RABGAP1: variants seen among roughly 807,000 people sequenced by gnomAD.
RABGAP1 encodes the protein RAB GTPase activating protein 1, also known as rab GTPase-activating protein 1.
RABGAP1 carries 23 observed loss-of-function variants against 137.6 expected under a neutral mutation model. That is an observed-to-expected ratio of 0.17 (90% confidence interval 0.12 to 0.24). The LOEUF (loss-of-function observed/expected upper bound fraction) is 0.24, where lower values mean the gene tolerates loss of function less well. RABGAP1 is among the 10% of genes least tolerant of loss of function. RABGAP1 has a pLI of 1.00. For missense variants in RABGAP1, 906 were observed against 1,275.8 expected, an observed-to-expected ratio of 0.71 and a Z score of 4.42; for synonymous variants, 451 against 450.7, an observed-to-expected ratio of 1.00 and a Z score of -0.01.
chr9:123,033,116 A>G (rs576530599), intron 13 of RABGAP1, among the ~76,000 whole-genome samples: 8 of 152,318 alleles, frequency 5.3e-5, no homozygotes, highest in African/African-American at 1.7e-4. Context: ...TTCTTGGCCA[A>G]TATTCAGTGA....
chr9:123,000,251 T>C (rs1249951942), intron 10 of RABGAP1, among the ~76,000 whole-genome samples: 1 of 152,184 alleles, frequency 6.6e-6, no homozygotes, highest in African/African-American at 2.4e-5. Flanking sequence ...TTGATTTTTT[T>C]TTTTCTTAAA....
In RABGAP1 at chr9:122,990,140, A is replaced by G. The variant is rs1311817476; in HGVS notation, c.850A>G (p.Thr284Ala). ...TPLSATAAPQ[T>A]PDSDIFTFSV... The stretch of plus-strand genomic sequence containing the variant: ...ACTTTCAGCCACTGCTGCACCCCAG[A>G]CTCCTGACAGTGACATCTTTACCTT... The change falls in exon 6 of 26, where the codon ACT becomes GCT. Residue 284 changes from threonine (T) to alanine (A), a missense_variant. By Grantham distance (58) the Thr-to-Ala change is moderately conservative (BLOSUM62 0). Around this residue, in one of 9 missense-constraint regions of RABGAP1, gnomAD observed 331 missense variants for 358.3 expected, o/e 0.92. Coordinates refer to ENST00000373647, the MANE Select transcript of RABGAP1 (RefSeq NM_012197.4). 5.6e-6 allele frequency: 9 copies of G among 1,611,740 alleles called. No homozygotes were observed. Among genetic ancestry groups the G allele is most frequent in the Non-Finnish European group, 7.6e-6 (9 of 1,178,026 alleles).
chr9:123,066,167 TG>T (rs1209145178), intron 14 of RABGAP1, among the ~76,000 whole-genome samples: 1 of 152,192 alleles, frequency 6.6e-6, no homozygotes, highest in Non-Finnish European at 1.5e-5. Context: ...ATATGACAAC[TG>T]GTTTTAGGAC....
chr9:123,049,999 A>G lies in RABGAP1; in HGVS notation c.1795-15349A>G, dbSNP rs115319085. Among the ~76,000 whole-genome samples, 445 of 152,330 alleles carry G rather than the reference A, an allele frequency of 2.9e-3. 2 individuals carry two copies. Among genetic ancestry groups the G allele is most frequent in the African/African-American group, 0.01 (421 of 41,572 alleles). On this transcript the variant is annotated intron_variant, in intron 13 of 25. Coordinates refer to ENST00000373647, the MANE Select transcript of RABGAP1 (RefSeq NM_012197.4). ...TAAGTGGGAGAGGCAGTACCCAGAG[A>G]CAGAACAGCCTGGCCCTAGACTTTG...
chr9:122,999,390 T>C (rs1837208547), intron 10 of RABGAP1, among the ~76,000 whole-genome samples: 1 of 151,716 alleles, frequency 6.6e-6, no homozygotes, highest in South Asian at 2.1e-4. Context: ...AGCGTTTCAC[T>C]CTGTTGGCCA....
intron 13 of RABGAP1, among the ~76,000 whole-genome samples, chr9:123,030,671 C>T (rs1185884171): frequency 6.6e-6 from 1 of 152,122 alleles, no homozygotes; most frequent in East Asian, 1.9e-4. Context: ...CATTTATCAA[C>T]ATTTATCATT....
At chr9:123,048,844 T>C (rs1008479975) in intron 13 of RABGAP1, among the ~76,000 whole-genome samples, 1 of 152,166 alleles carries the variant, frequency 6.6e-6, no homozygotes, top group African/African-American at 2.4e-5. Flanking sequence ...GAATCAACAA[T>C]AGCAAACCAG....
At chr9:123,061,773 TC>T (rs2033981303) in intron 13 of RABGAP1, 1 of 152,228 alleles carries the variant, frequency 6.6e-6, no homozygotes, top group African/African-American at 2.4e-5. Flanking sequence ...TGCCATTCAT[TC>T]CGTGTTCTTT....
At chr9:122,988,461 A>T (rs568618135) in intron 4 of RABGAP1, among the ~76,000 whole-genome samples, 17 of 146,590 alleles carry the variant, frequency 1.2e-4, no homozygotes, top group Middle Eastern at 3.6e-3. Flanking sequence ...TATCCCTTTG[A>T]TTTTTTACTG....
intron 1 of RABGAP1, among the ~76,000 whole-genome samples, chr9:122,954,164 T>C (rs1328762182): frequency 6.6e-6 from 1 of 152,176 alleles, no homozygotes; most frequent in Non-Finnish European, 1.5e-5. Context: ...AAATCCCTTA[T>C]GGTCTTGAGA....
At chr9:123,089,921 G>C in intron 20 of RABGAP1, 71 bp downstream of exon 20, 1 of 1,296,566 alleles carries the variant, frequency 7.7e-7, no homozygotes, top group Non-Finnish European at 1.1e-6. Flanking sequence ...CCTGTAACTA[G>C]CTTTATTGAG....
In RABGAP1 at chr9:123,074,432, T is replaced by C. The variant is rs1288861429; in HGVS notation, c.2253+4T>C. ...CATCGACCTGCTTTTATGTGAGGTA[T>C]GTATCAGAGGCCACAGCACTTTGGC... On this transcript the variant is annotated splice_donor_region_variant and intron_variant, in intron 17 of 25. Coordinates refer to ENST00000373647, the MANE Select transcript of RABGAP1 (RefSeq NM_012197.4). The C allele has an allele frequency of 4.3e-6, 7 of 1,611,126 alleles. No homozygotes were observed. The highest frequency in any genetic ancestry group is 1.7e-5 in the Admixed American group (1 of 59,690).
intron 13 of RABGAP1, among the ~76,000 whole-genome samples, chr9:123,058,634 G>A (rs768192722): frequency 2.0e-4 from 31 of 152,134 alleles, no homozygotes; most frequent in Non-Finnish European, 2.8e-4. Context: ...AGCATGAGGC[G>A]TTAATTCTCA....
intron 13 of RABGAP1, among the ~76,000 whole-genome samples, chr9:123,050,541 A>G (rs1001416260): frequency 2.0e-5 from 3 of 152,218 alleles, no homozygotes; most frequent in African/African-American, 7.2e-5. Flanking sequence ...GGACAAGTAA[A>G]AATGTGTTTG....
At chr9:123,081,555 G>C (rs1430291191) in intron 19 of RABGAP1, among the ~76,000 whole-genome samples, 1 of 152,058 alleles carries the variant, frequency 6.6e-6, no homozygotes, top group Non-Finnish European at 1.5e-5. Context: ...TCCCATGTCA[G>C]CCTCTCAAGT....
intron 12 of RABGAP1, among the ~76,000 whole-genome samples, chr9:123,016,914 T>G (rs533618019): frequency 6.6e-6 from 1 of 152,264 alleles, no homozygotes; most frequent in African/African-American, 2.4e-5. Context: ...GCTTTACACT[T>G]TTGACAAAAC....
intron 13 of RABGAP1, among the ~76,000 whole-genome samples, chr9:123,043,821 T>G (rs1387022552): frequency 6.6e-6 from 1 of 151,926 alleles, no homozygotes; most frequent in Non-Finnish European, 1.5e-5. Flanking sequence ...CTCTAAGGAA[T>G]AGGGTATGAA....
intron 13 of RABGAP1, chr9:123,034,782 A>G (rs2032523648): frequency 1.2e-6 from 2 of 1,613,818 alleles, no homozygotes; most frequent in Admixed American, 1.7e-5. Flanking sequence ...AGACTATGGC[A>G]TATGCTGACC....
chr9:123,064,143 G>A (rs747143263), intron 13 of RABGAP1, among the ~76,000 whole-genome samples: 3 of 152,054 alleles, frequency 2.0e-5, no homozygotes, highest in Admixed American at 6.6e-5. Context: ...TACCTCCAAC[G>A]CGGAGCTCTA....
Sources: allele counts gnomAD v4.1 joint callset (sites outside exome capture counted in the v4.1 genomes callset), GRCh38; gene constraint gnomAD v4.1.1; regional missense constraint gnomAD v4.1.1; transcripts MANE v1.5; gene names NCBI Gene and HGNC (gene_info 2026-07-23, HGNC 2026-07-21).